Variants in CCDC171 observed in about 807,000 individuals in gnomAD.
CCDC171 encodes coiled-coil domain-containing protein 171.
Under a neutral mutation model 168.2 loss-of-function variants are expected in CCDC171, and 177 were observed. That is an observed-to-expected ratio of 1.05 (90% CI 0.93 to 1.19). The LOEUF (loss-of-function observed/expected upper bound fraction) is 1.19, where lower values mean the gene tolerates loss of function less well. Ranked by LOEUF, CCDC171 falls within the 50% of genes most tolerant of loss-of-function variation. CCDC171 has a pLI of 0.00. For missense variants in CCDC171, 1,991 were observed against 1,539.0 expected, an observed-to-expected ratio of 1.29 and a Z score of -4.91; for synonymous variants, 687 against 540.8, an observed-to-expected ratio of 1.27 and a Z score of -3.75.
At chr9:15,604,168 A>G (rs545624057) in intron 6 of CCDC171, among the ~76,000 whole-genome samples, 23 of 151,416 alleles carry the variant, frequency 1.5e-4, no homozygotes, top group African/African-American at 4.6e-4. Flanking sequence ...AGATGGATAG[A>G]TTGCAGAAAT....
chr9:15,559,116 G>C (rs1007037430), intron 1 of CCDC171, among the ~76,000 whole-genome samples: 2 of 152,204 alleles, frequency 1.3e-5, no homozygotes, highest in Non-Finnish European at 2.9e-5. Context: ...TATAATTTCT[G>C]TTCTTTTACA....
At chr9:15,553,041 G>C (rs1348819549), upstream of CCDC171, 1 of 152,646 alleles carries the variant, frequency 6.6e-6, no homozygotes, top group African/African-American at 2.4e-5. Flanking sequence ...GGGCTGACCT[G>C]TGAAAGTCTG....
At chr9:16,051,019 T>A (rs950849254) in intron 1 of CCDC171, among the ~76,000 whole-genome samples, 5 of 152,210 alleles carry the variant, frequency 3.3e-5, no homozygotes, top group Admixed American at 3.3e-4. Context: ...TACCTGAGTG[T>A]TTATACTTGC....
chr9:15,681,964 A>G (rs2050068360), intron 10 of CCDC171, among the ~76,000 whole-genome samples: 1 of 152,082 alleles, frequency 6.6e-6, no homozygotes, highest in South Asian at 2.1e-4. Context: ...TCAGTATTTT[A>G]CAGACTATGG....
chr9:16,087,005 A>T, the CCDC171 span, among the ~76,000 whole-genome samples: 1 of 152,162 alleles, frequency 6.6e-6, no homozygotes, highest in Non-Finnish European at 1.5e-5. Context: ...GTCTTTCAGG[A>T]GCAGGTTGTT....
chr9:15,996,531 C>T (rs368249085), intron 3 of CCDC171, among the ~76,000 whole-genome samples: 6 of 147,352 alleles, frequency 4.1e-5, no homozygotes, highest in African/African-American at 1.5e-4. Flanking sequence ...GAATTTTCGA[C>T]TTGTGGCATC....
At chr9:15,559,172 A>T (rs938229542) in intron 1 of CCDC171, among the ~76,000 whole-genome samples, 1 of 152,160 alleles carries the variant, frequency 6.6e-6, no homozygotes, top group Non-Finnish European at 1.5e-5. Context: ...CAATTTTGGA[A>T]TAAGTGTGAT....
intron 11 of CCDC171, among the ~76,000 whole-genome samples, chr9:15,698,914 A>G (rs1415569882): frequency 6.6e-6 from 1 of 152,284 alleles, no homozygotes; most frequent in Admixed American, 6.5e-5. Context: ...TATCTTGGTT[A>G]TTGTGAATAA....
At position 15,623,328 on chromosome 9, in the gene CCDC171, T is replaced by A; in HGVS notation, c.737T>A (p.Met246Lys). ...GTAGAAAAATTAGAAACAGAACATATGGACTGCTCTGACCTTTTACGGCGA... is the reference window on the plus strand; with the variant it reads ...GTAGAAAAATTAGAAACAGAACATAAGGACTGCTCTGACCTTTTACGGCGA... The part of the protein sequence containing the change: ...KKVEKLETEH[M>K]DCSDLLRRQT... The change falls in exon 7 of 26, where the codon ATG (methionine) becomes AAG (lysine). Residue 246 changes from methionine (M) to lysine (K), a missense_variant. Transcript: ENST00000380701. 6.2e-7 allele frequency: 1 copy of A among 1,609,166 alleles called. No individual in the cohort carries two copies. Among genetic ancestry groups the A allele is most frequent in the Non-Finnish European group, 8.5e-7 (1 of 1,176,756 alleles).
At chr9:16,056,846 T>C (rs1299410102) in intron 1 of CCDC171, among the ~76,000 whole-genome samples, 1 of 152,200 alleles carries the variant, frequency 6.6e-6, no homozygotes. Flanking sequence ...TTATATCTCA[T>C]TAAAGCTGTT....
chr9:16,104,835 G>T, the CCDC171 span, among the ~76,000 whole-genome samples: 1 of 152,052 alleles, frequency 6.6e-6, no homozygotes, highest in African/African-American at 2.4e-5. Flanking sequence ...ATAGATGTGG[G>T]CCTTGACCTA....
In CCDC171 at chr9:15,947,979, C is replaced by T. The variant is rs558222160; in HGVS notation, c.3754-23630C>T. On this transcript the variant is annotated intron_variant, in intron 25 of 25. Transcript: ENST00000380701. ...TCCCAATGCTATCCCTCCCCGCTGC[C>T]CCCACCCCACAACAGTCCCCACAGT... Among the ~76,000 whole-genome samples the T allele has an allele frequency of 1.8e-3, 264 of 150,178 alleles. 1 individual carries two copies. Among genetic ancestry groups the T allele is most frequent in the African/African-American group, 6.1e-3 (248 of 40,486 alleles).
chr9:16,054,736 T>C (rs569640277), intron 1 of CCDC171, among the ~76,000 whole-genome samples: 2 of 152,330 alleles, frequency 1.3e-5, no homozygotes, highest in Admixed American at 1.3e-4. Context: ...GCTTGGGTCT[T>C]GAAAGGATCA....
At chr9:15,771,422 T>G (rs2057006557) in intron 18 of CCDC171, among the ~76,000 whole-genome samples, 1 of 152,194 alleles carries the variant, frequency 6.6e-6, no homozygotes, top group Admixed American at 6.5e-5. Context: ...TTATTTGTAT[T>G]CTTTGATTGG....
intron 25 of CCDC171, among the ~76,000 whole-genome samples, chr9:15,956,263 G>A (rs1829786197): frequency 6.6e-6 from 1 of 152,172 alleles, no homozygotes; most frequent in East Asian, 1.9e-4. Flanking sequence ...TTTGCCTGGT[G>A]TGAAATAGTG....
chr9:15,673,680 G>C (rs988970874), intron 9 of CCDC171, among the ~76,000 whole-genome samples: 2 of 152,164 alleles, frequency 1.3e-5, no homozygotes, highest in African/African-American at 4.8e-5. Flanking sequence ...AACCAGCTTT[G>C]CATCCCAGGG....
the CCDC171 span, among the ~76,000 whole-genome samples, chr9:16,099,236 A>G: frequency 6.6e-6 from 1 of 152,218 alleles, no homozygotes; most frequent in East Asian, 1.9e-4. Flanking sequence ...GGTTAACATC[A>G]GAATTCTTCT....
intron 16 of CCDC171, among the ~76,000 whole-genome samples, chr9:15,740,640 A>G (rs2054810662): frequency 6.6e-6 from 1 of 152,070 alleles, no homozygotes; most frequent in Non-Finnish European, 1.5e-5. Flanking sequence ...GGGTTTCACC[A>G]TATTGGCCAG....
intron 21 of CCDC171, among the ~76,000 whole-genome samples, chr9:15,793,764 G>T (rs889967602): frequency 6.6e-6 from 1 of 151,736 alleles, no homozygotes; most frequent in Admixed American, 6.6e-5. Context: ...GGCTAGGATG[G>T]TCTCGATCTC....
Sources: allele counts gnomAD v4.1 joint callset (sites outside exome capture counted in the v4.1 genomes callset), GRCh38; gene constraint gnomAD v4.1.1; transcripts MANE v1.5; gene names NCBI Gene and HGNC (gene_info 2026-07-23, HGNC 2026-07-21).